TES: variants seen among roughly 807,000 people sequenced by gnomAD.
The protein encoded by TES is testin.
A neutral mutation model predicts 48.2 loss-of-function variants in TES; 41 were observed. That is an observed-to-expected ratio of 0.85 (90% CI 0.66 to 1.10). TES has a LOEUF of 1.10. TES is among the 50% of genes least tolerant of loss of function. TES has a pLI of 0.00. For missense variants in TES, 463 were observed against 515.1 expected, an observed-to-expected ratio of 0.90 and a Z score of 0.98; for synonymous variants, 162 against 174.9, an observed-to-expected ratio of 0.93 and a Z score of 0.58.
At chr7:116,250,108 A>G in intron 3 of TES, 53 bp from the exon 4 acceptor site, 1 of 1,440,490 alleles carries the variant, frequency 6.9e-7, no homozygotes, top group African/African-American at 1.4e-5. Flanking sequence ...GTTATGAAAC[A>G]TCACACTGCC....
chr7:116,234,501 A>G, intron 1 of TES, 33 bp from the exon 2 acceptor site: 1 of 1,557,492 alleles, frequency 6.4e-7, no homozygotes. Context: ...TAAAGAATCT[A>G]ATAACAGATT....
chr7:116,212,505 G>C (rs377418613), intron 1 of TES, among the ~76,000 whole-genome samples: 25 of 152,258 alleles, frequency 1.6e-4, no homozygotes, highest in East Asian at 5.8e-4. Context: ...GGAAGGCATG[G>C]GGGAGGTACA....
At chr7:116,248,216 C>T (rs1009515549) in intron 2 of TES, among the ~76,000 whole-genome samples, 2 of 152,116 alleles carry the variant, frequency 1.3e-5, no homozygotes, top group African/African-American at 2.4e-5. Context: ...TCCAGTCTAC[C>T]ATTGATGGGC....
In TES at chr7:116,258,125, A is replaced by T. The variant is rs1330702665; in HGVS notation, c.*643A>T. On this transcript the variant is annotated 3_prime_UTR_variant, in exon 7 of 7. Transcript: ENST00000358204. The stretch of plus-strand genomic sequence containing the variant: ...TTCTCTTTGTAAGTTGGTGACTTGC[A>T]TCTGTGGCCTTGAATATTTTATTAT... 1 of 151,640 alleles carries T rather than the reference A, an allele frequency of 6.6e-6. No homozygotes were observed. Among genetic ancestry groups the T allele is most frequent in the Non-Finnish European group, 1.5e-5 (1 of 67,954 alleles). The allele number at this position is 151,640 out of a possible 1,614,324, so 9.4% of individuals were successfully genotyped here.
intron 1 of TES, among the ~76,000 whole-genome samples, chr7:116,222,542 A>G (rs958744203): frequency 7.9e-5 from 12 of 152,202 alleles, no homozygotes; most frequent in African/African-American, 2.7e-4. Context: ...CCCCTCACCC[A>G]TGTATTATGA....
At position 116,249,231 on chromosome 7, in the gene TES, G is replaced by C. The variant is rs1799969289; in HGVS notation, c.325G>C (p.Val109Leu). The change falls in exon 3 of 7, where the codon GTT becomes CTT. Residue 109 changes from valine (V) to leucine (L), a missense_variant. Transcript: ENST00000358204. ...CAAGAAGAATGTCTCCATCAATACAGTTACCTATGAGTGGGCTCCTCCTGT... is the reference window on the plus strand; with the variant it reads ...CAAGAAGAATGTCTCCATCAATACACTTACCTATGAGTGGGCTCCTCCTGT... Reference protein sequence around the residue: ...AAKKNVSINTVTYEWAPPVQN... With the variant: ...AAKKNVSINTLTYEWAPPVQN... The C allele has an allele frequency of 2.5e-6, 4 of 1,613,954 alleles. No individual in the cohort carries two copies. The South Asian group carries it at 3.3e-5, about 13-fold the overall frequency.
Position 116,251,740 on chromosome 7 carries a change from CTGGA to C in TES, c.703-16_703-13del. 1 of 1,605,214 alleles carries C rather than the reference CTGGA, an allele frequency of 6.2e-7. No homozygotes were observed. The highest frequency in any genetic ancestry group is 8.5e-7 in the Non-Finnish European group (1 of 1,172,320). On this transcript the variant is annotated splice_polypyrimidine_tract_variant and intron_variant, in intron 4 of 6. Transcript: ENST00000358204. ...GCAGTCTTCTAATGACTAGGTTGTT[CTGGA>C]TGGCTTCCCTTTCAGTCCTGCTATT...
intron 6 of TES, 70 bp from the exon 7 acceptor site, chr7:116,257,224 G>A: frequency 7.1e-7 from 1 of 1,407,096 alleles, no homozygotes; most frequent in Non-Finnish European, 9.6e-7. Context: ...AAAGAAATAT[G>A]TCCTAAGATG....
chr7:116,237,690 T>TTTAAACAGAAATGTACTTTC (rs1799790383), intron 2 of TES, among the ~76,000 whole-genome samples: 2 of 152,168 alleles, frequency 1.3e-5, no homozygotes, highest in Non-Finnish European at 2.9e-5. Flanking sequence ...TACCTGGTAG[T>TTTAAACAGAAATGTACTTTC]TTAAACAGAA....
chr7:116,218,633 GACTCTAA>G (rs1203153996), intron 1 of TES, among the ~76,000 whole-genome samples: 4 of 152,056 alleles, frequency 2.6e-5, no homozygotes, highest in Admixed American at 1.3e-4. Context: ...TAAAACTACA[GACTCTAA>G]ACTCCATATC....
chr7:116,251,730 C>T, intron 4 of TES, 30 bp from the exon 5 acceptor site: 1 of 1,564,898 alleles, frequency 6.4e-7, no homozygotes, highest in Non-Finnish European at 8.8e-7. Flanking sequence ...CTTCTAATGA[C>T]TAGGTTGTTC....
chr7:116,240,368 A>G (rs998253658), intron 2 of TES, among the ~76,000 whole-genome samples: 3 of 152,160 alleles, frequency 2.0e-5, no homozygotes, highest in African/African-American at 4.8e-5. Flanking sequence ...GATTTTTTTC[A>G]GCTTGAAAAT....
At position 116,257,559 on chromosome 7, in the gene TES, A is replaced by G; in HGVS notation, c.*77A>G. 2 of 1,211,328 alleles carry G rather than the reference A, an allele frequency of 1.7e-6. No individual in the cohort carries two copies. The highest frequency in any genetic ancestry group is 1.1e-6 in the Non-Finnish European group (1 of 939,832). The allele number at this position is 1,211,328 out of a possible 1,614,324, so 75.0% of individuals were successfully genotyped here. A position where few individuals can be genotyped will look rare whatever the true frequency, so the allele number is the denominator to read the frequency against. ...TTCTACTGTAAAATGCAATTTGAAA[A>G]AAATAAAACGCAAAAAAAGAAACTG... On this transcript the variant is annotated 3_prime_UTR_variant, in exon 7 of 7. Transcript: ENST00000358204.
rs116645193 is a variant in TES, at chr7:116,216,482, G to A, written c.27+5748G>A. Among the ~76,000 whole-genome samples the A allele has an allele frequency of 6.3e-3, 951 of 152,158 alleles. 10 individuals are homozygous for A. Among genetic ancestry groups the A allele is most frequent in the African/African-American group, 0.022 (895 of 41,514 alleles). ...ATAAAAATCAGTAGGGGAACCAGAT[G>A]ATTTCTGAGGTTTCTCCAAGTCCTG... On this transcript the variant is annotated intron_variant, in intron 1 of 6. Coordinates refer to ENST00000358204, the MANE Select transcript of TES (RefSeq NM_015641.4).
rs1799740535 is a variant in TES, at chr7:116,234,528, T to TAA, written c.28-5_28-4dup. 1.2e-6 allele frequency: 2 copies of TAA among 1,611,328 alleles called. No individual in the cohort carries two copies. The highest frequency in any genetic ancestry group is 2.7e-5 in the African/African-American group (2 of 74,818). ...TAACAGATTCATGATGTTTTCTTTT[T>TAA]AACAGATGGGCTTAGGTCACGAGCA... On this transcript the variant is annotated splice_region_variant and splice_polypyrimidine_tract_variant and intron_variant, in intron 1 of 6. Coordinates refer to ENST00000358204, the MANE Select transcript of TES (RefSeq NM_015641.4).
rs867050347 is a variant in TES at position 116,249,118 on chromosome 7, A to C, written c.212A>C (p.Lys71Thr). The C allele has an allele frequency of 1.2e-6, 2 of 1,614,140 alleles. No homozygotes were observed. Among genetic ancestry groups the C allele is most frequent in the African/African-American group, 2.7e-5 (2 of 75,058 alleles). Residue 71 changes from lysine (K) to threonine (T), a missense_variant, in exon 3 of 7, where the codon AAG (lysine) becomes ACG (threonine). Lys to Thr is a moderately conservative substitution (Grantham distance 78, BLOSUM62 -1). Coordinates refer to ENST00000358204, the MANE Select transcript of TES (RefSeq NM_015641.4). ...GTGGGAAAACTTTTTGAAGACACCA[A>C]GTATACCACTCTGATTGCAAAACTA... ...RKVGKLFEDTKYTTLIAKLKS... is the reference protein window; with the variant it reads ...RKVGKLFEDTTYTTLIAKLKS...
intron 1 of TES, chr7:116,217,888 C>G (rs946452334): frequency 9.7e-6 from 5 of 514,006 alleles, no homozygotes; most frequent in Non-Finnish European, 1.9e-5. Flanking sequence ...ACCTAACATT[C>G]TAGTTAGATA....
intron 2 of TES, among the ~76,000 whole-genome samples, chr7:116,237,058 A>G (rs1370996939): frequency 1.3e-5 from 2 of 152,162 alleles, no homozygotes; most frequent in Non-Finnish European, 2.9e-5. Context: ...TGACCTCCCT[A>G]TGTAGCCTCT....
intron 2 of TES, among the ~76,000 whole-genome samples, chr7:116,247,355 G>A (rs1799940617): frequency 6.6e-6 from 1 of 151,978 alleles, no homozygotes; most frequent in Non-Finnish European, 1.5e-5. Context: ...AAAGTACAAA[G>A]CCTCTTGCTT....
Sources: gnomAD v4.1 joint callset for allele counts (sites outside exome capture counted in the v4.1 genomes callset) on GRCh38, gnomAD v4.1.1 for gene constraint, MANE v1.5 for transcripts, NCBI Gene and HGNC (gene_info 2026-07-23, HGNC 2026-07-21) for gene names.